COG5: variants seen among roughly 807,000 people sequenced by gnomAD.
COG5 encodes the protein conserved oligomeric Golgi complex subunit 5.
In COG5, 86 loss-of-function variants were observed where a neutral mutation model predicts 110.4. That is an observed-to-expected ratio of 0.78 (90% confidence interval 0.65 to 0.93). The LOEUF is 0.93. COG5 is among the 40% of genes least tolerant of loss of function. The pLI is 0.00. For synonymous variants in COG5, 360 were observed against 334.6 expected, an observed-to-expected ratio of 1.08 and a Z score of -0.83; for missense variants, 1,077 against 987.0, an observed-to-expected ratio of 1.09 and a Z score of -1.22.
chr7:107,343,729 C>CA (rs1320072305), intron 10 of COG5, among the ~76,000 whole-genome samples: 3 of 151,930 alleles, frequency 2.0e-5, no homozygotes, highest in African/African-American at 4.8e-5. Flanking sequence ...ACTTGAAAGT[C>CA]AAAATTATTT....
chr7:107,387,724 A>G (rs926425361), intron 7 of COG5, among the ~76,000 whole-genome samples: 24 of 152,186 alleles, frequency 1.6e-4, no homozygotes, highest in African/African-American at 5.8e-4. Context: ...ACATAACTCA[A>G]TCACTCGATC....
chr7:107,336,774 C>A (rs1332959360), intron 10 of COG5, among the ~76,000 whole-genome samples: 8 of 152,178 alleles, frequency 5.3e-5, no homozygotes, highest in Admixed American at 3.9e-4. Context: ...ACAGCAGGTT[C>A]TCAAATAACC....
chr7:107,517,551 C>A (rs1180841907), intron 6 of COG5, among the ~76,000 whole-genome samples: 2 of 152,080 alleles, frequency 1.3e-5, no homozygotes. Flanking sequence ...TCATCAGATT[C>A]TTCACGGTTG....
At chr7:107,414,524 T>C (rs1339256909) in intron 6 of COG5, among the ~76,000 whole-genome samples, 2 of 152,046 alleles carry the variant, frequency 1.3e-5, no homozygotes, top group East Asian at 3.9e-4. Context: ...ATCAGTCATT[T>C]TACTAGGCTT....
In COG5 at chr7:107,327,183, A is replaced by G. The variant is rs148017578; in HGVS notation, c.1027-2662T>C. ...AATCTTGAACAAGGGTGCCAAGGCTACACAATAGGAAAAGGACAGTCTCTT... is the reference window on the plus strand; with the variant it reads ...AATCTTGAACAAGGGTGCCAAGGCTGCACAATAGGAAAAGGACAGTCTCTT... On this transcript the variant is annotated intron_variant, in intron 10 of 21. Coordinates refer to ENST00000297135, the MANE Select transcript of COG5 (RefSeq NM_006348.5). Among the ~76,000 whole-genome samples, 209 of 152,328 alleles carry G rather than the reference A, an allele frequency of 1.4e-3. 1 individual carries two copies. The highest frequency in any genetic ancestry group is 2.6e-3 in the Non-Finnish European group (178 of 68,028).
In COG5 at chr7:107,371,845, G is replaced by A. The variant is rs186830511; in HGVS notation, c.835+750C>T. On this transcript the variant is annotated intron_variant, in intron 8 of 21. Coordinates refer to ENST00000297135, the MANE Select transcript of COG5 (RefSeq NM_006348.5). ...TGATGGGATCTAATACAACTGCAGAGTGCTTGGTCTTTGCTGGGAGAAAGC... is the reference window on the plus strand; with the variant it reads ...TGATGGGATCTAATACAACTGCAGAATGCTTGGTCTTTGCTGGGAGAAAGC... Among the ~76,000 whole-genome samples the A allele has an allele frequency of 2.2e-3, 341 of 152,288 alleles. 2 individuals are homozygous for A. Among genetic ancestry groups the A allele is most frequent in the African/African-American group, 7.8e-3 (323 of 41,560 alleles).
intron 10 of COG5, among the ~76,000 whole-genome samples, chr7:107,327,448 T>C (rs753956944): frequency 2.2e-4 from 34 of 152,036 alleles, no homozygotes; most frequent in Non-Finnish European, 4.0e-4. Flanking sequence ...CAAACTGGAC[T>C]ATACCTAACT....
chr7:107,229,229 T>G (rs1225719530), intron 19 of COG5, among the ~76,000 whole-genome samples: 1 of 152,088 alleles, frequency 6.6e-6, no homozygotes, highest in Non-Finnish European at 1.5e-5. Flanking sequence ...GGCAGGCAGA[T>G]CACGAGGAGA....
chr7:107,252,887 G>C (rs899823483), intron 16 of COG5, among the ~76,000 whole-genome samples: 1 of 152,004 alleles, frequency 6.6e-6, no homozygotes, highest in Non-Finnish European at 1.5e-5. Flanking sequence ...AGAAAACTAA[G>C]AATAGAAGGG....
At chr7:107,205,053 C>T (rs577592904) in intron 21 of COG5, among the ~76,000 whole-genome samples, 2 of 152,330 alleles carry the variant, frequency 1.3e-5, no homozygotes, top group South Asian at 2.1e-4. Flanking sequence ...ACTTTGAACC[C>T]TTGCTATCTT....
chr7:107,250,222 G>C (rs1802389818), intron 16 of COG5, among the ~76,000 whole-genome samples: 2 of 152,232 alleles, frequency 1.3e-5, no homozygotes, highest in South Asian at 4.2e-4. Context: ...GAAAAGGAGA[G>C]AGCCAGAGAA....
At chr7:107,467,821 G>A (rs1001045845) in intron 6 of COG5, among the ~76,000 whole-genome samples, 1 of 152,094 alleles carries the variant, frequency 6.6e-6, no homozygotes, top group East Asian at 1.9e-4. Flanking sequence ...ATTATACTAA[G>A]CACTGTACAC....
At chr7:107,423,458 A>G (rs993221331) in intron 6 of COG5, among the ~76,000 whole-genome samples, 4 of 152,206 alleles carry the variant, frequency 2.6e-5, no homozygotes, top group Non-Finnish European at 5.9e-5. Flanking sequence ...AGTTTAAAAC[A>G]TTCTGAATAA....
chr7:107,387,373 A>C (rs1467970837), intron 7 of COG5, among the ~76,000 whole-genome samples: 1 of 152,206 alleles, frequency 6.6e-6, no homozygotes, highest in Non-Finnish European at 1.5e-5. Flanking sequence ...GAAAAGCAGC[A>C]GCGCCTAAGC....
At position 107,264,764 on chromosome 7, in the gene COG5, C is replaced by T. The variant is rs1038305291; in HGVS notation, c.1576-6381G>A. On this transcript the variant is annotated intron_variant, in intron 14 of 21. Transcript: ENST00000297135. ...AGAAAATAATAGAGAAAAGTTTATA[C>T]ACAAAGATTATATTTATAAAACTGA... Among the ~76,000 whole-genome samples the T allele has an allele frequency of 3.6e-4, 55 of 151,892 alleles. 2 individuals carry two copies. The highest frequency in any genetic ancestry group is 8.8e-5 in the Non-Finnish European group (6 of 67,968).
At chr7:107,507,010 C>G (rs1799066173) in intron 6 of COG5, among the ~76,000 whole-genome samples, 1 of 152,208 alleles carries the variant, frequency 6.6e-6, no homozygotes, top group Admixed American at 6.5e-5. Flanking sequence ...CAAGGCTGCT[C>G]CCACTGCCGT....
intron 6 of COG5, among the ~76,000 whole-genome samples, chr7:107,436,578 A>T (rs1220890648): frequency 6.6e-6 from 1 of 152,200 alleles, no homozygotes; most frequent in Non-Finnish European, 1.5e-5. Context: ...AAAACTACAT[A>T]CTTAAAATTG....
At chr7:107,552,619 A>G (rs760329036) in intron 3 of COG5, among the ~76,000 whole-genome samples, 33 of 152,182 alleles carry the variant, frequency 2.2e-4, no homozygotes, top group Non-Finnish European at 4.6e-4. Flanking sequence ...TTAAAAAGTC[A>G]AAAAACAACA....
In COG5 at chr7:107,457,726, G is replaced by A. The variant is rs185680391; in HGVS notation, c.539-45094C>T. On this transcript the variant is annotated intron_variant, in intron 6 of 21. Coordinates refer to ENST00000297135, the MANE Select transcript of COG5 (RefSeq NM_006348.5). ...ATTACAGGCGTGAGCCACTGCGCCC[G>A]GCCTAAAATAGGAGTTTTTGAAGTC... Among the ~76,000 whole-genome samples the A allele has an allele frequency of 1.6e-3, 245 of 152,192 alleles. 2 individuals carry two copies. The highest frequency in any genetic ancestry group is 4.5e-3 in the African/African-American group (186 of 41,524).
Sources: gnomAD v4.1 joint callset for allele counts (sites outside exome capture counted in the v4.1 genomes callset) on GRCh38, gnomAD v4.1.1 for gene constraint, MANE v1.5 for transcripts, NCBI Gene and HGNC (gene_info 2026-07-23, HGNC 2026-07-21) for gene names.